FXYD6: variants seen among roughly 807,000 people sequenced by gnomAD.
FXYD6 encodes FXYD domain containing ion transport regulator 6.
In FXYD6, 7 loss-of-function variants were observed where a neutral mutation model predicts 16.7. The observed-to-expected ratio is 0.42, with a 90% CI of 0.24 to 0.79. FXYD6 has a LOEUF of 0.79. FXYD6 is among the 30% of genes least tolerant of loss of function. The pLI, the probability that FXYD6 is intolerant of heterozygous loss-of-function variation, is 0.28. For missense variants in FXYD6, 111 were observed against 116.2 expected (o/e 0.95, Z 0.21); for synonymous variants, 49 against 43.0 (o/e 1.14, Z -0.54).
chr11:117,853,739 T>C (rs192602432), intron 1 of FXYD6, among the ~76,000 whole-genome samples: 2 of 152,272 alleles, frequency 1.3e-5, no homozygotes, highest in Admixed American at 1.3e-4. Flanking sequence ...GTGATCCTTC[T>C]GGCTCGGCCT....
rs1449926051 is a variant in FXYD6 at position 117,872,379 on chromosome 11, G to A, written c.-6+4213C>T. Among the ~76,000 whole-genome samples, 2 of 152,218 alleles carry A rather than the reference G, an allele frequency of 1.3e-5. No homozygotes were observed. Among genetic ancestry groups the A allele is most frequent in the Non-Finnish European group, 2.9e-5 (2 of 68,030 alleles). ...GTAGGATGTGGACATGAGGTGGACA[G>A]TAGGGGAGAGGAAGGAACAGGACAA... On this transcript the variant is annotated intron_variant, in intron 1 of 7. Coordinates refer to ENST00000526014, the MANE Select transcript of FXYD6 (RefSeq NM_022003.4). This position sits in a 1 kb window ranked among gnomAD's most constrained non-coding sequence, Gnocchi z 4.9.
At chr11:117,841,071 T>A in intron 5 of FXYD6, 77 bp downstream of exon 5, 1 of 1,579,238 alleles carries the variant, frequency 6.3e-7, no homozygotes, top group South Asian at 1.1e-5. Context: ...AATGCCCATT[T>A]GGGGGTCACA....
At chr11:117,857,647 G>A (rs570078665) in intron 1 of FXYD6, among the ~76,000 whole-genome samples, 1 of 152,038 alleles carries the variant, frequency 6.6e-6, no homozygotes, top group Non-Finnish European at 1.5e-5. Flanking sequence ...GACCTCGTGA[G>A]CCGCCCACCT....
In FXYD6 at chr11:117,838,172, A is replaced by C; in HGVS notation, c.*127T>G. On this transcript the variant is annotated 3_prime_UTR_variant, in exon 8 of 8. Transcript: ENST00000526014. The stretch of plus-strand genomic sequence containing the variant: ...GAGGGGATAGGGTGGGGGACACACA[A>C]GTTCTTGGCTTCTCCTGGGGAAAGG... The C allele has an allele frequency of 1.4e-6, 1 of 701,800 alleles. No homozygotes were observed. Among genetic ancestry groups the C allele is most frequent in the South Asian group, 1.5e-5 (1 of 67,558 alleles). 43.5% of individuals were successfully genotyped at this position (701,800 alleles called of 1,614,324 possible).
chr11:117,856,668 A>G (rs1387205943), intron 1 of FXYD6, among the ~76,000 whole-genome samples: 2 of 152,252 alleles, frequency 1.3e-5, no homozygotes, highest in Non-Finnish European at 2.9e-5. Flanking sequence ...TGACGTATCT[A>G]GATCTTTGCA....
intron 1 of FXYD6, among the ~76,000 whole-genome samples, chr11:117,858,683 CTTTCTTTCTTTCTT>C (rs2056810344): frequency 1.1e-5 from 1 of 88,428 alleles, no homozygotes; most frequent in African/African-American, 5.0e-5. Context: ...TTCTTTCTTT[CTTTCTTTCTTTCTT>C]TCTTTCTCTC....
intron 4 of FXYD6, 140 bp from the exon 5 acceptor site, chr11:117,841,324 G>T: frequency 1.9e-6 from 2 of 1,075,128 alleles, no homozygotes; most frequent in Non-Finnish European, 2.7e-6. Flanking sequence ...GCACACAGTG[G>T]CCCTCGGATG....
rs143002570 is a variant in FXYD6 at position 117,867,914 on chromosome 11, G to A, written c.-6+8678C>T. 1.8e-3 allele frequency among the ~76,000 whole-genome samples: 271 copies of A among 152,096 alleles called. 1 individual carries two copies. The highest frequency in any genetic ancestry group is 6.2e-3 in the African/African-American group (258 of 41,498). On this transcript the variant is annotated intron_variant, in intron 1 of 7. Transcript: ENST00000526014. ...CTCAGCCACATTCAGCTCTAAACCC[G>A]GGCAGTGTAGCCAAGGGCAGTGTAG...
intron 1 of FXYD6, among the ~76,000 whole-genome samples, chr11:117,848,156 A>AAC (rs1273683943): frequency 6.6e-6 from 1 of 152,188 alleles, no homozygotes. Context: ...AACAATAGCA[A>AAC]ACACACACGC....
rs2057121123 is a variant in FXYD6 at position 117,870,922 on chromosome 11, T to C, written c.-6+5670A>G. Among the ~76,000 whole-genome samples the C allele has an allele frequency of 6.6e-6, 1 of 152,202 alleles. No individual in the cohort carries two copies. Among genetic ancestry groups the C allele is most frequent in the African/African-American group, 2.4e-5 (1 of 41,444 alleles). On this transcript the variant is annotated intron_variant, in intron 1 of 7. Coordinates refer to ENST00000526014, the MANE Select transcript of FXYD6 (RefSeq NM_022003.4). The surrounding 1 kb of genome is among the most constrained non-coding windows in gnomAD (Gnocchi z 4.2). ...GGCACTGAGCACAGCAGCTGCTCAA[T>C]AAATGTTGATGTGTGAATGAAAGGA...
In FXYD6 at chr11:117,840,315, T is replaced by G; in HGVS notation, c.259+4A>C. The G allele has an allele frequency of 6.2e-7, 1 of 1,614,080 alleles. No homozygotes were observed. The highest frequency in any genetic ancestry group is 8.5e-7 in the Non-Finnish European group (1 of 1,179,980). ...CACCTGGGCAGGTGGTCACGGACAG[T>G]TACCATTGGCGGTGATGAGGTTCTC... On this transcript the variant is annotated splice_donor_region_variant and intron_variant, in intron 6 of 7. Coordinates refer to ENST00000526014, the MANE Select transcript of FXYD6 (RefSeq NM_022003.4).
At chr11:117,840,422 A>C (rs2056311566) in intron 5 of FXYD6, 54 bp from the exon 6 acceptor site, 7 of 1,612,594 alleles carry the variant, frequency 4.3e-6, no homozygotes, top group Non-Finnish European at 5.9e-6. Context: ...GCAGACCCAG[A>C]GAGCATCGTT....
chr11:117,875,823 T>C (rs1476127730), intron 1 of FXYD6, among the ~76,000 whole-genome samples: 1 of 152,104 alleles, frequency 6.6e-6, no homozygotes, highest in Non-Finnish European at 1.5e-5. Context: ...GTGCCTCCTC[T>C]ACCAGCCACC....
At chr11:117,855,987 C>T (rs535064005) in intron 1 of FXYD6, among the ~76,000 whole-genome samples, 14 of 152,248 alleles carry the variant, frequency 9.2e-5, no homozygotes, top group Middle Eastern at 3.4e-3. Context: ...ATTCTGTTTC[C>T]GCTCATTTTT....
intron 1 of FXYD6, among the ~76,000 whole-genome samples, chr11:117,857,950 A>G (rs2056772973): frequency 6.6e-6 from 1 of 152,198 alleles, no homozygotes; most frequent in Admixed American, 6.5e-5. Context: ...GGGAGTGGTC[A>G]GTATAAACCA....
intron 1 of FXYD6, among the ~76,000 whole-genome samples, chr11:117,864,598 T>C (rs1194364783): frequency 6.6e-6 from 1 of 152,206 alleles, no homozygotes; most frequent in Non-Finnish European, 1.5e-5. Context: ...TTGCACGTTT[T>C]TTTTTTGAGA....
In FXYD6 at chr11:117,843,053, C is replaced by A. The variant is rs147823162; in HGVS notation, c.-5-272G>T. Among the ~76,000 whole-genome samples, 470 of 152,276 alleles carry A rather than the reference C, an allele frequency of 3.1e-3. 2 individuals carry two copies. Among genetic ancestry groups the A allele is most frequent in the African/African-American group, 9.8e-3 (407 of 41,542 alleles). ...GGTTCAAGTGATTCTTCTGCCTCAG[C>A]CTCCTGAGTAGCTGGCATTAGAGGC... On this transcript the variant is annotated intron_variant, in intron 1 of 7. Transcript: ENST00000526014.
intron 1 of FXYD6, among the ~76,000 whole-genome samples, chr11:117,858,839 G>A (rs1301889196): frequency 3.4e-5 from 5 of 149,000 alleles, no homozygotes; most frequent in African/African-American, 7.5e-5. Context: ...GCAGTGGTGC[G>A]ATCTTGGCTC....
chr11:117,870,029 C>A lies in FXYD6; in HGVS notation c.-6+6563G>T, dbSNP rs996825286. 6.6e-6 allele frequency among the ~76,000 whole-genome samples: 1 copy of A among 152,268 alleles called. No homozygotes were observed. The highest frequency in any genetic ancestry group is 2.1e-4 in the South Asian group (1 of 4,834). On this transcript the variant is annotated intron_variant, in intron 1 of 7. Transcript: ENST00000526014. This position sits in a 1 kb window ranked among gnomAD's most constrained non-coding sequence, Gnocchi z 4.2. ...GTCCGTGGGGCCCCAGCCCCCTTCC[C>A]AGGTCTTGCTGTCACCTCACCATCA...
Sources: gnomAD v4.1 joint callset for allele counts (sites outside exome capture counted in the v4.1 genomes callset) on GRCh38, gnomAD v4.1.1 for gene constraint, Gnocchi (gnomAD v3.1) non-coding constraint, MANE v1.5 for transcripts, NCBI Gene and HGNC (gene_info 2026-07-23, HGNC 2026-07-21) for gene names.